The following TSHZ2 variants were observed in gnomAD, a reference collection of about 807,000 sequenced individuals.
TSHZ2 encodes the protein teashirt zinc finger homeobox 2.
In TSHZ2, 21 loss-of-function variants were observed where a neutral mutation model predicts 74.4. The ratio of observed to expected loss-of-function variants is 0.28; its 90% CI spans 0.20 to 0.41. The LOEUF (loss-of-function observed/expected upper bound fraction) is 0.41, where lower values mean the gene tolerates loss of function less well. Ranked by LOEUF, TSHZ2 falls within the 10% of genes least tolerant of loss-of-function variation. The probability of loss-of-function intolerance (pLI) is 1.00; values close to 1 mark genes in which losing one functional copy is unlikely to be tolerated. For synonymous variants in TSHZ2, 540 were observed against 515.3 expected, an observed-to-expected ratio of 1.05 and a Z score of -0.65; for missense variants, 1,244 against 1,293.5, an observed-to-expected ratio of 0.96 and a Z score of 0.59.
intron 1 of TSHZ2, among the ~76,000 whole-genome samples, chr20:53,091,673 A>G (rs931474704): frequency 2.0e-5 from 3 of 152,222 alleles, no homozygotes; most frequent in Admixed American, 2.0e-4. Context: ...GTTGATGCCA[A>G]TGCAGCATTT....
At position 53,342,955 on chromosome 20, in the gene TSHZ2, C is replaced by CTTTTTTTTTTTTTTTTTTTTTT. The variant is rs1175907478; in HGVS notation, c.*8+86392_*8+86413dup. ...TATTTCTTTTCTTTTCTTTTCTTTT[C>CTTTTTTTTTTTTTTTTTTTTTT]TTTTTTTTTTTTTTTTTTTTTTTTT... On this transcript the variant is annotated intron_variant, in intron 2 of 2. Transcript: ENST00000371497. Among the ~76,000 whole-genome samples the CTTTTTTTTTTTTTTTTTTTTTT allele has an allele frequency of 5.4e-4, 33 of 61,218 alleles. 6 individuals carry two copies. Among genetic ancestry groups the CTTTTTTTTTTTTTTTTTTTTTT allele is most frequent in the South Asian group, 8.2e-4 (1 of 1,220 alleles). The allele number at this position is 61,218 out of a possible 152,430, so 40.2% of individuals were successfully genotyped here.
chr20:53,245,419 T>C (rs2426474), intron 1 of TSHZ2, among the ~76,000 whole-genome samples: 50,373 of 152,054 alleles, frequency 0.33, 8,740 homozygotes, highest in East Asian at 0.47. Flanking sequence ...ATCTAAGCCA[T>C]AGGCATTTAG....
intron 2 of TSHZ2, among the ~76,000 whole-genome samples, chr20:53,341,372 AGGGATTTCCT>A (rs1051522592): frequency 6.6e-6 from 1 of 152,216 alleles, no homozygotes; most frequent in African/African-American, 2.4e-5. Flanking sequence ...CCTGAGACTG[AGGGATTTCCT>A]GGGACATAAA....
intron 1 of TSHZ2, among the ~76,000 whole-genome samples, chr20:53,044,249 C>T (rs555846357): frequency 6.6e-6 from 1 of 152,328 alleles, no homozygotes; most frequent in African/African-American, 2.4e-5. Flanking sequence ...CAGCTCTCAA[C>T]GTTTCAGATT....
chr20:53,254,278 G>C lies in TSHZ2; in HGVS notation c.820G>C (p.Val274Leu), dbSNP rs751286817. 5 of 1,613,980 alleles carry C rather than the reference G, an allele frequency of 3.1e-6. No homozygotes were observed. The East Asian group carries it at 8.9e-5, about 29-fold the overall frequency. Residue 274 changes from valine to leucine, a missense_variant, in exon 2 of 3, where the codon GTT becomes CTT. Around this residue, in one of 6 missense-constraint regions of TSHZ2, gnomAD observed 470 missense variants for 456.5 expected, o/e 1.03. Coordinates refer to ENST00000371497, the MANE Select transcript of TSHZ2 (RefSeq NM_173485.6). Reference sequence around the variant, plus strand: ...TATGGACAAAGAGGATGCTCAAAAGGTTCTGAAATGTATGTTTTGTGGCGA... The same window carrying C: ...TATGGACAAAGAGGATGCTCAAAAGCTTCTGAAATGTATGTTTTGTGGCGA... ...QDMDKEDAQK[V>L]LKCMFCGDSF...
intron 1 of TSHZ2, among the ~76,000 whole-genome samples, chr20:53,078,654 T>C (rs1421787555): frequency 6.6e-6 from 1 of 152,124 alleles, no homozygotes; most frequent in Non-Finnish European, 1.5e-5. Flanking sequence ...AGCAGTGAGG[T>C]AGTTACTGTG....
At chr20:53,233,075 T>C (rs961090777) in intron 1 of TSHZ2, among the ~76,000 whole-genome samples, 2 of 152,054 alleles carry the variant, frequency 1.3e-5, no homozygotes, top group Non-Finnish European at 2.9e-5. Flanking sequence ...AATAAATTGG[T>C]TAAGGCATTC....
At chr20:53,284,026 G>A (rs968611552) in intron 2 of TSHZ2, among the ~76,000 whole-genome samples, 2 of 152,182 alleles carry the variant, frequency 1.3e-5, no homozygotes, top group Admixed American at 6.5e-5. Context: ...AGTAAAAACG[G>A]GTACAGTAAT....
At chr20:53,073,294 C>T (rs139714393) in intron 1 of TSHZ2, among the ~76,000 whole-genome samples, 1 of 139,058 alleles carries the variant, frequency 7.2e-6, no homozygotes, top group African/African-American at 3.1e-5. Context: ...CCATCCATCC[C>T]TTCATCCATC....
chr20:53,211,666 A>C (rs1383964295), intron 1 of TSHZ2, among the ~76,000 whole-genome samples: 1 of 152,172 alleles, frequency 6.6e-6, no homozygotes, highest in South Asian at 2.1e-4. Flanking sequence ...GTGAGTTACA[A>C]TTATGCCGCT....
chr20:53,443,838 T>C (rs1209610901), intron 2 of TSHZ2, among the ~76,000 whole-genome samples: 1 of 152,138 alleles, frequency 6.6e-6, no homozygotes, highest in East Asian at 1.9e-4. Context: ...AAAGTACCCA[T>C]GAAGCTGGAG....
intron 1 of TSHZ2, among the ~76,000 whole-genome samples, chr20:53,172,066 G>A (rs908123629): frequency 6.6e-6 from 1 of 152,196 alleles, no homozygotes; most frequent in Non-Finnish European, 1.5e-5. Flanking sequence ...AGTTTATCCA[G>A]TCAGCCCTGT....
chr20:53,429,712 G>C (rs1269075867), intron 2 of TSHZ2, among the ~76,000 whole-genome samples: 6 of 152,184 alleles, frequency 3.9e-5, no homozygotes, highest in Non-Finnish European at 8.8e-5. Flanking sequence ...AATTCTATTA[G>C]GGGATTCCTG....
rs372848370 is a variant in TSHZ2, at chr20:53,044,311, C to T, written c.40+70978C>T. ...GATTAGAGATGCACAACCTGTGACA[C>T]ATATCTTCTGTCATATTCCGCTCTG... On this transcript the variant is annotated intron_variant, in intron 1 of 2. Transcript: ENST00000371497. 4.6e-5 allele frequency among the ~76,000 whole-genome samples: 7 copies of T among 152,344 alleles called. No individual in the cohort carries two copies. The South Asian group carries it at 6.2e-4, about 14-fold the overall frequency.
intron 1 of TSHZ2, among the ~76,000 whole-genome samples, chr20:53,194,368 G>A (rs1389814604): frequency 6.6e-6 from 1 of 152,206 alleles, no homozygotes; most frequent in African/African-American, 2.4e-5. Flanking sequence ...TTTAAATTAA[G>A]GCTCCACATT....
chr20:53,478,461 A>G (rs1231305301), intron 2 of TSHZ2, among the ~76,000 whole-genome samples: 5 of 141,666 alleles, frequency 3.5e-5, no homozygotes, highest in Admixed American at 2.3e-4. Context: ...GAATTGAACA[A>G]TGAGATCACA....
chr20:53,158,260 T>TG (rs1208967150), intron 1 of TSHZ2, among the ~76,000 whole-genome samples: 8 of 152,066 alleles, frequency 5.3e-5, no homozygotes, highest in Admixed American at 1.3e-4. Context: ...GCAGAACCTA[T>TG]GGGACTTCAT....
chr20:53,031,167 A>G (rs1401266083), intron 1 of TSHZ2, among the ~76,000 whole-genome samples: 1 of 152,202 alleles, frequency 6.6e-6, no homozygotes, highest in Non-Finnish European at 1.5e-5. Context: ...TTGCCAAATC[A>G]CCCTAGAAAG....
intron 1 of TSHZ2, among the ~76,000 whole-genome samples, chr20:53,005,680 G>T (rs1326278438): frequency 6.6e-6 from 1 of 152,204 alleles, no homozygotes; most frequent in Admixed American, 6.5e-5. Flanking sequence ...TTTCTGGAGT[G>T]ACTGTGACAT....
Sources: gnomAD v4.1 joint callset for allele counts (sites outside exome capture counted in the v4.1 genomes callset) on GRCh38, gnomAD v4.1.1 for gene constraint, gnomAD v4.1.1 regional missense constraint, MANE v1.5 for transcripts, NCBI Gene and HGNC (gene_info 2026-07-23, HGNC 2026-07-21) for gene names.